REXO5: variants seen among roughly 807,000 people sequenced by gnomAD.
The protein encoded by REXO5 is RNA exonuclease 5.
Under a neutral mutation model 88.5 loss-of-function variants are expected in REXO5, and 48 were observed. The ratio of observed to expected loss-of-function variants is 0.54; its 90% CI spans 0.43 to 0.69. The LOEUF is 0.69. Among genes scored for constraint, REXO5 ranks in the 30% least tolerant of loss-of-function variants. REXO5 has a pLI of 0.00. For synonymous variants in REXO5, 311 were observed against 336.5 expected (o/e 0.92, Z 0.83); for missense variants, 749 against 912.2 (o/e 0.82, Z 2.30).
In REXO5 at chr16:20,846,105, T is replaced by TC. The variant is rs560960000; in HGVS notation, c.2125-115dup. 236 of 820,542 alleles carry TC rather than the reference T, an allele frequency of 2.9e-4. No homozygotes were observed. In the African/African-American group the frequency reaches 3.7e-3, roughly 13 times the overall value. 50.8% of individuals were successfully genotyped at this position (820,542 alleles called of 1,614,324 possible). ...GCTCCAGTGTTAGAAAAGGGATTTGTCTGGAACCTTTACTGGAATCCCATA... is the reference window on the plus strand; with the variant it reads ...GCTCCAGTGTTAGAAAAGGGATTTGTCCTGGAACCTTTACTGGAATCCCATA... On this transcript the variant is annotated intron_variant, in intron 18 of 19. Coordinates refer to ENST00000261377, the MANE Select transcript of REXO5 (RefSeq NM_030941.3).
rs1411106556 is a variant in REXO5 at position 20,844,794 on chromosome 16, A to T, written c.1885A>T (p.Ile629Phe). Reference protein sequence around the residue: ...PRLFLGLEAVILPKDLKSGKQ... With the variant: ...PRLFLGLEAVFLPKDLKSGKQ... ...CCTCTTTCTTGGCCTGGAAGCTGTGATCTTGCCTAAAGATCTTAAAAGTGG... is the reference window on the plus strand; with the variant it reads ...CCTCTTTCTTGGCCTGGAAGCTGTGTTCTTGCCTAAAGATCTTAAAAGTGG... Residue 629 changes from isoleucine (I) to phenylalanine (F), a missense_variant, in exon 17 of 20, where the codon ATC (isoleucine) becomes TTC (phenylalanine). Ile to Phe is a conservative substitution (Grantham distance 21, BLOSUM62 0). Transcript: ENST00000261377. The T allele has an allele frequency of 1.2e-6, 2 of 1,614,180 alleles. No homozygotes were observed. The highest frequency in any genetic ancestry group is 4.5e-5 in the East Asian group (2 of 44,884).
chr16:20,820,873 A>G (rs1030509079), intron 5 of REXO5, among the ~76,000 whole-genome samples: 4 of 151,692 alleles, frequency 2.6e-5, no homozygotes, highest in African/African-American at 7.3e-5. Flanking sequence ...CCAGTTCTTT[A>G]TATTTTTTAG....
At chr16:20,826,873 T>C (rs2081267070) in intron 8 of REXO5, among the ~76,000 whole-genome samples, 185 bp from the exon 9 acceptor site, 1 of 152,184 alleles carries the variant, frequency 6.6e-6, no homozygotes, top group Non-Finnish European at 1.5e-5. Flanking sequence ...TTTACTAAAA[T>C]GTAAAAAAGC....
intron 5 of REXO5, among the ~76,000 whole-genome samples, chr16:20,818,325 A>G (rs950545009): frequency 6.6e-6 from 1 of 152,248 alleles, no homozygotes; most frequent in African/African-American, 2.4e-5. Context: ...CCTAGTGGCC[A>G]AAACAGTGCC....
At chr16:20,845,316 T>C in intron 18 of REXO5, 75 bp downstream of exon 18, 1 of 1,342,184 alleles carries the variant, frequency 7.5e-7, no homozygotes, top group Non-Finnish European at 1.0e-6. Context: ...TTAATCTTTT[T>C]TTTTTTTCTA....
chr16:20,813,321 T>G lies in REXO5; in HGVS notation c.251+19T>G. 1.4e-6 allele frequency: 2 copies of G among 1,394,554 alleles called. No homozygotes were observed. The highest frequency in any genetic ancestry group is 2.0e-6 in the Non-Finnish European group (2 of 982,940). 86.4% of individuals were successfully genotyped at this position (1,394,554 alleles called of 1,614,324 possible). A position where few individuals can be genotyped will look rare whatever the true frequency, so the allele number is the denominator to read the frequency against. ...AACCCAGGTATGAGATGAATTTAAA[T>G]GGTGGGTATTGACCAGCGGTTTCTT... On this transcript the variant is annotated intron_variant, in intron 3 of 19. Coordinates refer to ENST00000261377, the MANE Select transcript of REXO5 (RefSeq NM_030941.3).
upstream of REXO5, chr16:20,806,517 A>AG: frequency 1.3e-6 from 2 of 1,539,124 alleles, no homozygotes; most frequent in Non-Finnish European, 8.7e-7. Context: ...CGCGAGGCTG[A>AG]GGGGCGGTTG....
rs1258496322 is a variant in REXO5 at position 20,822,307 on chromosome 16, G to T, written c.616+405G>T. Among the ~76,000 whole-genome samples the T allele has an allele frequency of 2.0e-5, 3 of 152,062 alleles. No homozygotes were observed. In the East Asian group the frequency reaches 5.8e-4, roughly 29 times the overall value. ...CCATATTTCTTTAACAAATAGAGCA[G>T]GTCTAGGCTCGGAGCCTTGGTCAAT... On this transcript the variant is annotated intron_variant, in intron 6 of 19. Transcript: ENST00000261377.
chr16:20,807,765 A>AC (rs2080921093), intron 2 of REXO5, among the ~76,000 whole-genome samples: 1 of 150,882 alleles, frequency 6.6e-6, no homozygotes, highest in Non-Finnish European at 1.5e-5. Context: ...AAACAAAACA[A>AC]AAAAAAAACT....
At chr16:20,821,938 T>G (rs762445226) in intron 6 of REXO5, 36 bp downstream of exon 6, 25 of 1,504,140 alleles carry the variant, frequency 1.7e-5, no homozygotes, top group Non-Finnish European at 2.0e-5. Flanking sequence ...GCTAACAATG[T>G]AAGAATATCT....
chr16:20,807,536 C>G (rs933401770), intron 2 of REXO5, among the ~76,000 whole-genome samples: 5 of 148,872 alleles, frequency 3.4e-5, no homozygotes, highest in South Asian at 2.1e-4. Context: ...TGAGCCAAGA[C>G]CACGCCATTA....
At chr16:20,849,200 GATTTGA>G (rs926215470) in intron 19 of REXO5, among the ~76,000 whole-genome samples, 193 bp from the exon 20 acceptor site, 3 of 152,194 alleles carry the variant, frequency 2.0e-5, no homozygotes, top group African/African-American at 7.2e-5. Context: ...GTAAAGGTAG[GATTTGA>G]ATCTAGACCT....
intron 5 of REXO5, among the ~76,000 whole-genome samples, chr16:20,819,447 CTTT>C (rs35337424): frequency 1.4e-4 from 17 of 123,452 alleles, no homozygotes; most frequent in Non-Finnish European, 2.5e-4. Context: ...TTCTTTCCTC[CTTT>C]TTTTTTTTTT....
At position 20,849,424 on chromosome 16, in the gene REXO5, G is replaced by A; in HGVS notation, c.2269G>A (p.Gly757Arg). 1 of 1,613,972 alleles carries A rather than the reference G, an allele frequency of 6.2e-7. No homozygotes were observed. Among genetic ancestry groups the A allele is most frequent in the Non-Finnish European group, 8.5e-7 (1 of 1,179,876 alleles). The change falls in exon 20 of 20, where the codon GGA becomes AGA. Residue 757 changes from glycine to arginine, a missense_variant. Coordinates refer to ENST00000261377, the MANE Select transcript of REXO5 (RefSeq NM_030941.3). The part of the protein sequence containing the change: ...KSTHGSLSGL[G>R]LMGIKEEEES... ...CACTCATGGTTCACTCTCTGGTCTA[G>A]GACTGATGGGAATAAAAGAGGAAGA...
At chr16:20,835,380 A>G (rs918875304) in intron 13 of REXO5, among the ~76,000 whole-genome samples, 4 of 152,132 alleles carry the variant, frequency 2.6e-5, no homozygotes, top group Non-Finnish European at 4.4e-5. Flanking sequence ...TAAGTACTTA[A>G]TCTCCATAAA....
At position 20,843,946 on chromosome 16, in the gene REXO5, A is replaced by G. The variant is rs143350263; in HGVS notation, c.1639A>G (p.Ile547Val). ...VLETRQPHLCIQYEVLEAAQL... is the reference protein window; with the variant it reads ...VLETRQPHLCVQYEVLEAAQL... ...GGTCTTTCTGCAGCCTCATCTCTGT[A>G]TACAGTATGAAGTCCTAGAAGCTGC... The change falls in exon 16 of 20, where the codon ATA becomes GTA. Residue 547 changes from isoleucine (I) to valine (V), a missense_variant. Physicochemically the swap from Ile to Val is conservative, Grantham distance 29 (BLOSUM62 3). Coordinates refer to ENST00000261377, the MANE Select transcript of REXO5 (RefSeq NM_030941.3). 2.5e-6 allele frequency: 4 copies of G among 1,604,614 alleles called. No individual in the cohort carries two copies. Among genetic ancestry groups the G allele is most frequent in the Admixed American group, 1.7e-5 (1 of 59,890 alleles).
At chr16:20,828,305 T>C in intron 10 of REXO5, 130 bp from the exon 11 acceptor site, 1 of 626,042 alleles carries the variant, frequency 1.6e-6, no homozygotes, top group Non-Finnish European at 2.8e-6. Context: ...TAAAGGAACC[T>C]TGATTTTTGT....
chr16:20,828,652 G>A (rs1232430540), intron 11 of REXO5, 115 bp downstream of exon 11: 2 of 721,972 alleles, frequency 2.8e-6, no homozygotes, highest in East Asian at 3.0e-5. Flanking sequence ...GTGTGGGCCA[G>A]GTGCAGTGGC....
At chr16:20,812,524 C>T (rs905233574) in intron 2 of REXO5, among the ~76,000 whole-genome samples, 1 of 151,856 alleles carries the variant, frequency 6.6e-6, no homozygotes, top group African/African-American at 2.4e-5. Flanking sequence ...GACTCTGTCT[C>T]AGAAAAGAAA....
Sources: gnomAD v4.1 joint callset for allele counts (sites outside exome capture counted in the v4.1 genomes callset) on GRCh38, gnomAD v4.1.1 for gene constraint, MANE v1.5 for transcripts, NCBI Gene and HGNC (gene_info 2026-07-23, HGNC 2026-07-21) for gene names.